Variants in DCC observed in about 807,000 individuals in gnomAD.
The protein encoded by DCC is netrin receptor DCC.
Under a neutral mutation model 172.5 loss-of-function variants are expected in DCC, and 58 were observed. The ratio of observed to expected loss-of-function variants is 0.34; its 90% CI spans 0.27 to 0.42. The LOEUF is 0.42. Ranked by LOEUF, DCC falls within the 10% of genes least tolerant of loss-of-function variation. The pLI is 1.00. For synonymous variants in DCC, 709 were observed against 644.5 expected (o/e 1.10, Z -1.52); for missense variants, 1,740 against 1,791.0 (o/e 0.97, Z 0.51).
At chr18:53,478,440 G>A (rs541156893) in intron 25 of DCC, among the ~76,000 whole-genome samples, 2 of 152,270 alleles carry the variant, frequency 1.3e-5, no homozygotes, top group East Asian at 3.9e-4. Flanking sequence ...ATAGGAACTA[G>A]GAAGGATATA....
chr18:53,170,365 C>A (rs1055008847), intron 8 of DCC, among the ~76,000 whole-genome samples: 1 of 152,190 alleles, frequency 6.6e-6, no homozygotes, highest in Non-Finnish European at 1.5e-5. Flanking sequence ...TAGTTATGCT[C>A]ACTCTTTTTG....
At chr18:52,506,316 C>T (rs2031228853) in intron 1 of DCC, among the ~76,000 whole-genome samples, 2 of 152,070 alleles carry the variant, frequency 1.3e-5, no homozygotes, top group South Asian at 2.1e-4. Flanking sequence ...TCATGTGAAG[C>T]ATATGATTTA....
chr18:52,528,442 G>A (rs547197428), intron 1 of DCC, among the ~76,000 whole-genome samples: 10 of 152,230 alleles, frequency 6.6e-5, no homozygotes, highest in African/African-American at 2.4e-4. Flanking sequence ...CCATATTTCT[G>A]AGTTTTATAC....
Position 52,562,818 on chromosome 18 carries a change from C to A in DCC, c.92-189236C>A, listed in dbSNP as rs184486988. ...TTTTTATTTTTTATTTTTGTAGGGA[C>A]AGAGTCTCACCATCTTGCTTAGGCT... On this transcript the variant is annotated intron_variant, in intron 1 of 28. Coordinates refer to ENST00000442544, the MANE Select transcript of DCC (RefSeq NM_005215.4). Among the ~76,000 whole-genome samples the A allele has an allele frequency of 2.0e-5, 3 of 151,928 alleles. No homozygotes were observed. The East Asian group carries it at 5.8e-4, about 29-fold the overall frequency.
Position 52,952,188 on chromosome 18 carries a change from G to A in DCC, c.985+26818G>A, listed in dbSNP as rs552347930. On this transcript the variant is annotated intron_variant, in intron 5 of 28. Transcript: ENST00000442544. The stretch of plus-strand genomic sequence containing the variant: ...CCTTTCTCTATGCCTTAAATTGTCC[G>A]TGTCCTTATTTTCCTTATTTTAATG... Among the ~76,000 whole-genome samples the A allele has an allele frequency of 3.0e-4, 45 of 151,946 alleles. No individual in the cohort carries two copies. The South Asian group carries it at 8.5e-3, about 29-fold the overall frequency.
At chr18:53,117,241 T>C (rs1214560085) in intron 7 of DCC, among the ~76,000 whole-genome samples, 1 of 151,782 alleles carries the variant, frequency 6.6e-6, no homozygotes, top group African/African-American at 2.4e-5. Flanking sequence ...ACCTTTATAA[T>C]ACTGCACTGT....
chr18:53,440,858 T>C (rs1287111390), intron 22 of DCC, among the ~76,000 whole-genome samples: 3 of 152,220 alleles, frequency 2.0e-5, no homozygotes, highest in African/African-American at 7.2e-5. Context: ...TAGAGCTGTG[T>C]GACAAATCAA....
At chr18:52,607,624 T>C (rs2034162690) in intron 1 of DCC, among the ~76,000 whole-genome samples, 1 of 152,192 alleles carries the variant, frequency 6.6e-6, no homozygotes, top group African/African-American at 2.4e-5. Context: ...ACAAAGTTTT[T>C]GATTTATTTG....
intron 1 of DCC, among the ~76,000 whole-genome samples, chr18:52,471,018 G>A (rs986348143): frequency 6.6e-6 from 1 of 152,158 alleles, no homozygotes; most frequent in Non-Finnish European, 1.5e-5. Context: ...TAGATTATGT[G>A]AGTTCTAGTC....
intron 10 of DCC, 61 bp from the exon 11 acceptor site, chr18:53,207,618 G>A: frequency 6.9e-7 from 1 of 1,456,948 alleles, no homozygotes. Context: ...TGCACAGAAT[G>A]AGTGCCATTT....
chr18:52,497,304 T>C (rs1410166803), intron 1 of DCC, among the ~76,000 whole-genome samples: 2 of 98,716 alleles, frequency 2.0e-5, no homozygotes, highest in Non-Finnish European at 4.4e-5. Flanking sequence ...TATATATATA[T>C]ATATATATAT....
intron 1 of DCC, among the ~76,000 whole-genome samples, chr18:52,578,374 G>A (rs1385628650): frequency 6.6e-6 from 1 of 152,190 alleles, no homozygotes; most frequent in Non-Finnish European, 1.5e-5. Context: ...TGAGCAGAGG[G>A]AGTCAAACGT....
intron 18 of DCC, among the ~76,000 whole-genome samples, chr18:53,397,741 C>T (rs1909044824): frequency 6.6e-6 from 1 of 152,234 alleles, no homozygotes; most frequent in East Asian, 1.9e-4. Flanking sequence ...AAGTAAAGAA[C>T]AGAAATCCAT....
intron 1 of DCC, among the ~76,000 whole-genome samples, chr18:52,391,358 T>A (rs1035095108): frequency 1.3e-5 from 2 of 152,102 alleles, no homozygotes; most frequent in Non-Finnish European, 1.5e-5. Context: ...AACAAGCATA[T>A]AGCTAGGCAC....
chr18:52,405,257 A>G (rs866144210), intron 1 of DCC, among the ~76,000 whole-genome samples: 7 of 150,186 alleles, frequency 4.7e-5, no homozygotes, highest in South Asian at 2.1e-4. Context: ...CACAATGGTT[A>G]AACTAGTTTA....
At chr18:52,676,798 A>G (rs1357681748) in intron 1 of DCC, among the ~76,000 whole-genome samples, 2 of 152,168 alleles carry the variant, frequency 1.3e-5, no homozygotes, top group Non-Finnish European at 2.9e-5. Context: ...CTTAATTCAC[A>G]CAGCTTAGGA....
intron 20 of DCC, among the ~76,000 whole-genome samples, chr18:53,414,872 G>A (rs1847125): frequency 0.037 from 5,700 of 152,204 alleles, 370 homozygotes; most frequent in African/African-American, 0.13. Flanking sequence ...GTTTCCCAAA[G>A]AGTAATTCAC....
intron 2 of DCC, among the ~76,000 whole-genome samples, chr18:52,758,315 A>G (rs1356207285): frequency 6.6e-6 from 1 of 152,168 alleles, no homozygotes; most frequent in African/African-American, 2.4e-5. Flanking sequence ...CGAAGTTTGC[A>G]TATTTTTTTT....
chr18:52,760,912 G>A (rs2037149965), intron 2 of DCC, among the ~76,000 whole-genome samples: 1 of 152,116 alleles, frequency 6.6e-6, no homozygotes, highest in South Asian at 2.1e-4. Context: ...ATATATAGAT[G>A]AAAGTAATGA....
Sources: allele counts gnomAD v4.1 joint callset (sites outside exome capture counted in the v4.1 genomes callset), GRCh38; gene constraint gnomAD v4.1.1; transcripts MANE v1.5; gene names NCBI Gene and HGNC (gene_info 2026-07-23, HGNC 2026-07-21).